PSG8: variants seen among roughly 807,000 people sequenced by gnomAD.
PSG8 encodes the protein pregnancy specific beta-1-glycoprotein 8, also known as pregnancy-specific beta-1-glycoprotein 8.
Under a neutral mutation model 42.5 loss-of-function variants are expected in PSG8, and 57 were observed. The observed-to-expected ratio is 1.34, with a 90% CI of 1.08 to 1.67. The LOEUF (loss-of-function observed/expected upper bound fraction) is 1.67. Ranked by LOEUF, PSG8 falls within the 40% of genes most tolerant of loss-of-function variation. The probability of loss-of-function intolerance (pLI) is 0.00; values close to 1 mark genes in which losing one functional copy is unlikely to be tolerated. For missense variants in PSG8, 783 were observed against 518.6 expected (o/e 1.51, Z -4.95); for synonymous variants, 280 against 196.8 (o/e 1.42, Z -3.54).
intron 2 of PSG8, among the ~76,000 whole-genome samples, chr19:42,760,336 T>C (rs899483564): frequency 5.3e-5 from 8 of 152,166 alleles, no homozygotes; most frequent in African/African-American, 1.4e-4. Context: ...AAACCACCAG[T>C]ATTCCCATTA....
At chr19:42,754,817 G>T (rs529997977) in intron 4 of PSG8, 171 bp downstream of exon 4, 12 of 1,469,158 alleles carry the variant, frequency 8.2e-6, no homozygotes, top group Non-Finnish European at 1.0e-5. Flanking sequence ...TTATACTCTT[G>T]GTTAAGGCTG....
At position 42,764,276 on chromosome 19, in the gene PSG8, G is replaced by C. The variant is rs1175188799; in HGVS notation, c.70C>G (p.Leu24Val). ...TWKGLLLTAS[L>V]LNFWNPPTTA... ...GTGGGTGGGTTCCAGAAGTTTAAAA[G>C]TGATGCTAGGAGGTGGAGAGAGCAT... Residue 24 changes from leucine to valine, a missense_variant, in exon 2 of 5, where the codon CTT becomes GTT. Physicochemically the swap from Leu to Val is conservative, Grantham distance 32. Coordinates refer to ENST00000306511, the MANE Select transcript of PSG8 (RefSeq NM_182707.3). 1 of 1,612,600 alleles carries C rather than the reference G, an allele frequency of 6.2e-7. No homozygotes were observed. Among genetic ancestry groups the C allele is most frequent in the Admixed American group, 1.7e-5 (1 of 59,934 alleles).
chr19:42,758,237 G>A lies in PSG8; in HGVS notation c.474C>T (p.Pro158=), dbSNP rs1383101071. 1 of 1,613,890 alleles carries A rather than the reference G, an allele frequency of 6.2e-7. No individual in the cohort carries two copies. Among genetic ancestry groups the A allele is most frequent in the African/African-American group, 1.3e-5 (1 of 74,894 alleles). ...KPSISSSKLN[P]REAMEAVSLT... Reference sequence around the variant, plus strand: ...AGCTCACAGCCTCCATGGCCTCCCTGGGGTTTAATTTGCTGCTGGAGATGG... The same window carrying A: ...AGCTCACAGCCTCCATGGCCTCCCTAGGGTTTAATTTGCTGCTGGAGATGG... The change falls in exon 3 of 5, where the codon CCC becomes CCT. Residue 158 remains proline, a synonymous_variant. Transcript: ENST00000306511.
At chr19:42,756,864 T>A (rs1039961559) in intron 3 of PSG8, among the ~76,000 whole-genome samples, 4 of 151,726 alleles carry the variant, frequency 2.6e-5, no homozygotes, top group Non-Finnish European at 5.9e-5. Flanking sequence ...TGTTTTCTAA[T>A]TCTGCAAAAA....
chr19:42,762,631 T>G (rs1391215432), intron 2 of PSG8, among the ~76,000 whole-genome samples: 3 of 152,036 alleles, frequency 2.0e-5, no homozygotes, highest in East Asian at 3.9e-4. Flanking sequence ...GGTCCTCTCC[T>G]TGATCCTCTC....
downstream of PSG8, chr19:42,753,206 T>C (rs1316103491): frequency 3.4e-5 from 26 of 767,218 alleles, no homozygotes; most frequent in Non-Finnish European, 5.6e-5. Flanking sequence ...AACATTTTAG[T>C]GAGTTCTGAG....
intron 2 of PSG8, among the ~76,000 whole-genome samples, chr19:42,761,407 G>T (rs879848442): frequency 1.3e-5 from 2 of 152,154 alleles, no homozygotes; most frequent in Non-Finnish European, 2.9e-5. Flanking sequence ...ATCCCTGACT[G>T]CTCCGATGTC....
Position 42,764,105 on chromosome 19 carries a change from AT to A in PSG8, c.240del (p.Ser81HisfsTer3). 6.2e-7 allele frequency: 1 copy of A among 1,613,778 alleles called. No homozygotes were observed. Among genetic ancestry groups the A allele is most frequent in the South Asian group, 1.1e-5 (1 of 91,054 alleles). On this transcript the variant is annotated frameshift_variant, in exon 2 of 5. Transcript: ENST00000306511. LOFTEE classifies it high-confidence loss of function. The stretch of plus-strand genomic sequence containing the variant: ...ATTATTTGACCGTCTACTACATATG[AT>A]GTAATGTAATGGTAGAGGTCCCTGA... The part of the protein sequence containing the change: ...GQIRDLYHYI[T>X]SYVVDGQIII...
intron 2 of PSG8, among the ~76,000 whole-genome samples, chr19:42,763,342 T>C: frequency 6.6e-6 from 1 of 152,118 alleles, no homozygotes; most frequent in Non-Finnish European, 1.5e-5. Context: ...TGAAGAAAAC[T>C]CTGTCCTTGC....
At position 42,754,839 on chromosome 19, in the gene PSG8, G is replaced by A. The variant is rs1197519865; in HGVS notation, c.988+149C>T. 1.4e-5 allele frequency: 21 copies of A among 1,507,112 alleles called. 1 individual carries two copies. Among genetic ancestry groups the A allele is most frequent in the African/African-American group, 2.8e-5 (2 of 71,366 alleles). 93.4% of individuals were successfully genotyped at this position (1,507,112 alleles called of 1,614,324 possible). On this transcript the variant is annotated intron_variant, in intron 4 of 4. Coordinates refer to ENST00000306511, the MANE Select transcript of PSG8 (RefSeq NM_182707.3). The stretch of plus-strand genomic sequence containing the variant: ...CTTGGTTAAGGCTGTGCCTACCCAG[G>A]TTTTCCCAGGGCAGGGAGTCATGGC...
At chr19:42,754,159 T>C (rs1969849043), downstream of PSG8, 4 of 1,472,526 alleles carry the variant, frequency 2.7e-6, no homozygotes, top group Admixed American at 9.0e-5. Context: ...TCAGCCTGTT[T>C]GTTAAAGTTT....
intron 3 of PSG8, among the ~76,000 whole-genome samples, chr19:42,757,425 G>A (rs1299454168): frequency 2.0e-5 from 3 of 151,990 alleles, no homozygotes; most frequent in Non-Finnish European, 4.4e-5. Context: ...CCCTCTATAT[G>A]TTTTAGTGAT....
chr19:42,763,011 C>T (rs1184395756), intron 2 of PSG8, among the ~76,000 whole-genome samples: 1 of 152,126 alleles, frequency 6.6e-6, no homozygotes, highest in East Asian at 1.9e-4. Context: ...AGTTTTCTGT[C>T]AATCAGATAA....
At chr19:42,758,538 C>T (rs770442442) in intron 2 of PSG8, 80 of 749,334 alleles carry the variant, frequency 1.1e-4, no homozygotes, top group Middle Eastern at 8.5e-4. Flanking sequence ...AGACACAGGA[C>T]CAGCAGTCAC....
At chr19:42,758,912 C>T (rs1970003443) in intron 2 of PSG8, 1 of 158,604 alleles carries the variant, frequency 6.3e-6, no homozygotes, top group African/African-American at 2.4e-5. Context: ...CCAGTGACCT[C>T]TAAAGATAGA....
intron 2 of PSG8, among the ~76,000 whole-genome samples, chr19:42,763,483 T>C (rs1416043712): frequency 6.6e-6 from 1 of 152,146 alleles, no homozygotes; most frequent in Non-Finnish European, 1.5e-5. Context: ...CAGCACAGGC[T>C]CCTCAGATTT....
intron 2 of PSG8, among the ~76,000 whole-genome samples, chr19:42,762,009 T>C (rs1427690529): frequency 6.6e-6 from 1 of 151,918 alleles, no homozygotes; most frequent in Non-Finnish European, 1.5e-5. Context: ...CCTGGGGACA[T>C]TGGCTCGAGA....
chr19:42,757,956 T>C (rs781701866), intron 3 of PSG8, 46 bp downstream of exon 3: 42 of 1,613,852 alleles, frequency 2.6e-5, no homozygotes, highest in East Asian at 2.2e-4. Context: ...TGGCCACGTG[T>C]ATTTGGGATG....
intron 2 of PSG8, among the ~76,000 whole-genome samples, chr19:42,761,915 G>C (rs918958500): frequency 2.5e-5 from 3 of 120,126 alleles, no homozygotes; most frequent in African/African-American, 3.2e-5. Flanking sequence ...GCCTATCCCT[G>C]TCCCATTGTC....
Sources: allele counts gnomAD v4.1 joint callset (sites outside exome capture counted in the v4.1 genomes callset), GRCh38; gene constraint gnomAD v4.1.1; transcripts MANE v1.5; gene names NCBI Gene and HGNC (gene_info 2026-07-23, HGNC 2026-07-21).